CNTN5: variants seen among roughly 807,000 people sequenced by gnomAD.
CNTN5 encodes the protein contactin-5.
Under a neutral mutation model 129.1 loss-of-function variants are expected in CNTN5, and 77 were observed. That is an observed-to-expected ratio of 0.60 (90% CI 0.50 to 0.72). The LOEUF is 0.72. Among genes scored for constraint, CNTN5 ranks in the 30% least tolerant of loss-of-function variants. CNTN5 has a pLI of 0.00. For synonymous variants in CNTN5, 509 were observed against 465.6 expected (o/e 1.09, Z -1.20); for missense variants, 1,478 against 1,328.8 (o/e 1.11, Z -1.75).
chr11:99,287,962 C>T (rs934326442), intron 1 of CNTN5, among the ~76,000 whole-genome samples: 1 of 151,922 alleles, frequency 6.6e-6, no homozygotes, highest in Admixed American at 6.6e-5. Context: ...ATCAAATGCT[C>T]TTCTCGTTTA....
intron 6 of CNTN5, among the ~76,000 whole-genome samples, chr11:99,861,276 C>G (rs996299025): frequency 6.6e-6 from 1 of 152,104 alleles, no homozygotes; most frequent in African/African-American, 2.4e-5. Flanking sequence ...TTTATGTCAT[C>G]TGGAGATTTC....
intron 3 of CNTN5, among the ~76,000 whole-genome samples, chr11:99,670,867 G>A (rs965924360): frequency 3.9e-5 from 6 of 152,106 alleles, no homozygotes; most frequent in Non-Finnish European, 8.8e-5. Flanking sequence ...TGGTAATTAA[G>A]CAGTGCCTAC....
chr11:99,168,566 T>G (rs1481197130), intron 1 of CNTN5, among the ~76,000 whole-genome samples: 1 of 87,126 alleles, frequency 1.1e-5, no homozygotes, highest in Non-Finnish European at 2.7e-5. Flanking sequence ...GGTGACAGAC[T>G]GAGACTCCAT....
In CNTN5 at chr11:99,358,255, A is replaced by ATTTTTT. The variant is rs1186386021; in HGVS notation, c.-71+32786_-71+32791dup. On this transcript the variant is annotated intron_variant, in intron 2 of 24. Transcript: ENST00000524871. ...AGGCGCCCGCCACCACGCCCTGCTG[A>ATTTTTT]TTTTTTTTTTTTTTTTTTTTAGTAG... Among the ~76,000 whole-genome samples, 325 of 46,908 alleles carry ATTTTTT rather than the reference A, an allele frequency of 6.9e-3. 40 individuals carry two copies. Among genetic ancestry groups the ATTTTTT allele is most frequent in the African/African-American group, 0.019 (265 of 13,808 alleles). 30.8% of individuals were successfully genotyped at this position (46,908 alleles called of 152,430 possible).
At chr11:99,253,698 G>A (rs116784998) in intron 1 of CNTN5, among the ~76,000 whole-genome samples, 106 of 151,170 alleles carry the variant, frequency 7.0e-4, no homozygotes, top group East Asian at 2.2e-3. Flanking sequence ...ATTATCCCTC[G>A]TTGCTGTATA....
chr11:99,919,601 G>A (rs963189050), intron 7 of CNTN5, among the ~76,000 whole-genome samples: 1 of 151,956 alleles, frequency 6.6e-6, no homozygotes, highest in Non-Finnish European at 1.5e-5. Context: ...TTATTGACAT[G>A]CAATTTTTAT....
chr11:99,405,497 A>G (rs1184486583), intron 2 of CNTN5, among the ~76,000 whole-genome samples: 5 of 151,888 alleles, frequency 3.3e-5, no homozygotes, highest in African/African-American at 1.2e-4. Flanking sequence ...AAGGACTCTG[A>G]TATATTCTTC....
intron 3 of CNTN5, among the ~76,000 whole-genome samples, chr11:99,659,410 G>C (rs678693): frequency 0.61 from 92,921 of 151,972 alleles, 29,352 homozygotes; most frequent in Admixed American, 0.7. Context: ...GTTTGTTTTA[G>C]GTTTTGGTAA....
In CNTN5 at chr11:99,153,426, G is replaced by C. The variant is rs944548784; in HGVS notation, c.-210+132156G>C. Reference sequence around the variant, plus strand: ...TTTCCTCAACTTAGTTGATTCTGCTGTTAGTATTTGGTGATTGTACTATAA... The same window carrying C: ...TTTCCTCAACTTAGTTGATTCTGCTCTTAGTATTTGGTGATTGTACTATAA... On this transcript the variant is annotated intron_variant, in intron 1 of 24. Coordinates refer to ENST00000524871, the MANE Select transcript of CNTN5 (RefSeq NM_014361.4). 1.3e-4 allele frequency among the ~76,000 whole-genome samples: 20 copies of C among 149,034 alleles called. 1 individual carries two copies. Among genetic ancestry groups the C allele is most frequent in the Non-Finnish European group, 1.5e-5 (1 of 67,530 alleles).
chr11:100,059,709 T>C (rs576966597), intron 9 of CNTN5, among the ~76,000 whole-genome samples: 2 of 152,126 alleles, frequency 1.3e-5, no homozygotes, highest in East Asian at 3.9e-4. Flanking sequence ...GGCAAAGATA[T>C]AGGGAAACAG....
intron 3 of CNTN5, among the ~76,000 whole-genome samples, chr11:99,715,642 G>C (rs183945471): frequency 1.3e-5 from 2 of 151,858 alleles, no homozygotes; most frequent in Admixed American, 6.6e-5. Flanking sequence ...AGAAAGATCA[G>C]GAATTTTTTA....
At chr11:99,323,254 A>G (rs576994100) in intron 1 of CNTN5, among the ~76,000 whole-genome samples, 128 of 152,276 alleles carry the variant, frequency 8.4e-4, no homozygotes, top group African/African-American at 2.5e-3. Context: ...AGTATATGGT[A>G]GAAACTTAAA....
chr11:99,388,111 G>A (rs563175519), intron 2 of CNTN5, among the ~76,000 whole-genome samples: 1 of 152,040 alleles, frequency 6.6e-6, no homozygotes, highest in East Asian at 1.9e-4. Flanking sequence ...GACTAGGTTT[G>A]GTTTTTTGAA....
chr11:99,295,765 A>G (rs529204491), intron 1 of CNTN5, among the ~76,000 whole-genome samples: 1 of 151,566 alleles, frequency 6.6e-6, no homozygotes, highest in South Asian at 2.1e-4. Context: ...AGTCCCAGCT[A>G]CTGGGGAGGC....
At chr11:99,355,689 G>A (rs1938597591) in intron 2 of CNTN5, among the ~76,000 whole-genome samples, 1 of 152,006 alleles carries the variant, frequency 6.6e-6, no homozygotes, top group Non-Finnish European at 1.5e-5. Flanking sequence ...ATCTTAATCA[G>A]GTTTTAGCTC....
chr11:99,484,650 T>C (rs572758014), intron 2 of CNTN5, among the ~76,000 whole-genome samples: 1 of 151,864 alleles, frequency 6.6e-6, no homozygotes, highest in African/African-American at 2.4e-5. Flanking sequence ...TGTCCAACAA[T>C]GGATGAATGA....
At chr11:99,333,153 A>T (rs1007880430) in intron 2 of CNTN5, among the ~76,000 whole-genome samples, 7 of 152,012 alleles carry the variant, frequency 4.6e-5, no homozygotes, top group Admixed American at 4.6e-4. Context: ...ATTTGTAAAA[A>T]GTTTTATGCT....
At chr11:99,073,938 G>C (rs2135258308) in intron 1 of CNTN5, among the ~76,000 whole-genome samples, 1 of 152,198 alleles carries the variant, frequency 6.6e-6, no homozygotes, top group East Asian at 1.9e-4. Context: ...CTAGATCCTT[G>C]AGGAATCACC....
intron 3 of CNTN5, among the ~76,000 whole-genome samples, chr11:99,734,602 C>G (rs576249374): frequency 6.6e-6 from 1 of 152,188 alleles, no homozygotes; most frequent in South Asian, 2.1e-4. Flanking sequence ...GCCTCAAAAA[C>G]AGACTTCTAA....
Sources: allele counts gnomAD v4.1 joint callset (sites outside exome capture counted in the v4.1 genomes callset), GRCh38; gene constraint gnomAD v4.1.1; transcripts MANE v1.5; gene names NCBI Gene and HGNC (gene_info 2026-07-23, HGNC 2026-07-21).